Variants in ZFHX3 observed in about 807,000 individuals in gnomAD.
The protein encoded by ZFHX3 is zinc finger homeobox protein 3.
Under a neutral mutation model 279.1 loss-of-function variants are expected in ZFHX3, and 42 were observed. The ratio of observed to expected loss-of-function variants is 0.15; its 90% CI spans 0.12 to 0.19. The LOEUF is 0.19. ZFHX3 is among the 10% of genes least tolerant of loss of function. The pLI is 1.00. For synonymous variants in ZFHX3, 2,293 were observed against 1,957.8 expected (o/e 1.17, Z -4.52); for missense variants, 4,981 against 4,754.0 (o/e 1.05, Z -1.40).
At chr16:73,483,742 G>A (rs1460864226) in intron 2 of ZFHX3, among the ~76,000 whole-genome samples, 1 of 152,090 alleles carries the variant, frequency 6.6e-6, no homozygotes, top group Non-Finnish European at 1.5e-5. Flanking sequence ...TTTCGCTATT[G>A]TGGATCCGGA....
chr16:73,450,170 G>A (rs570182655), intron 3 of ZFHX3, among the ~76,000 whole-genome samples: 2 of 152,128 alleles, frequency 1.3e-5, no homozygotes, highest in South Asian at 2.1e-4. Context: ...GGGGGTGAAG[G>A]TACCTTAAAT....
At chr16:73,322,776 A>T (rs1473684482) in intron 3 of ZFHX3, among the ~76,000 whole-genome samples, 1 of 152,236 alleles carries the variant, frequency 6.6e-6, no homozygotes, top group East Asian at 1.9e-4. Context: ...AATCTCTTCA[A>T]GTGCATTTCA....
intron 1 of ZFHX3, among the ~76,000 whole-genome samples, chr16:73,010,872 A>T (rs1228727903): frequency 6.6e-6 from 1 of 152,176 alleles, no homozygotes; most frequent in Non-Finnish European, 1.5e-5. Context: ...TGGCATGGTC[A>T]TAGTTCACTG....
intron 2 of ZFHX3, among the ~76,000 whole-genome samples, chr16:73,553,088 T>C (rs985615933): frequency 6.6e-6 from 1 of 152,208 alleles, no homozygotes. Context: ...GTATGCCATT[T>C]GCTCATTGGC....
intron 2 of ZFHX3, among the ~76,000 whole-genome samples, chr16:73,619,127 AC>A (rs1393772934): frequency 1.3e-5 from 2 of 152,128 alleles, no homozygotes; most frequent in Admixed American, 6.5e-5. Context: ...CAAGACAAGG[AC>A]ACTTTCAAAA....
intron 2 of ZFHX3, among the ~76,000 whole-genome samples, chr16:73,473,821 G>A (rs2018717378): frequency 6.6e-6 from 1 of 152,112 alleles, no homozygotes; most frequent in South Asian, 2.1e-4. Flanking sequence ...TGTGGGTCAG[G>A]GAAGCATCAA....
rs183832222 is a variant in ZFHX3, at chr16:73,180,747, C to T, written c.-1103-36916G>A. Among the ~76,000 whole-genome samples, 467 of 152,228 alleles carry T rather than the reference C, an allele frequency of 3.1e-3. 1 individual carries two copies. Among genetic ancestry groups the T allele is most frequent in the Non-Finnish European group, 5.1e-3 (346 of 68,018 alleles). ...GTGCTATCTCAGCTCACTGCAACCT[C>T]CGCTTCCCGGGTTCAAGCGATTCTC... On this transcript the variant is annotated intron_variant, in intron 5 of 17. Coordinates refer to the ZFHX3 transcript ENST00000641206.
rs78968980 is a variant in ZFHX3, at chr16:73,660,365, A to C, written c.-1547+19815T>G. On this transcript the variant is annotated intron_variant, in intron 2 of 17. Transcript: ENST00000641206. ...TAAATTGATTTGTAGACACAACTGC[A>C]AAACTGGACACATTTAAATTACTGT... Among the ~76,000 whole-genome samples the C allele has an allele frequency of 5.9e-5, 9 of 152,358 alleles. No homozygotes were observed. In the East Asian group the frequency reaches 1.7e-3, roughly 29 times the overall value.
chr16:73,011,786 C>G (rs1456096877), intron 1 of ZFHX3, among the ~76,000 whole-genome samples: 1 of 151,722 alleles, frequency 6.6e-6, no homozygotes, highest in Admixed American at 6.6e-5. Context: ...CTCCCCTCCC[C>G]CCAAAATACT....
rs558748157 is a variant in ZFHX3, at chr16:73,748,402, C to T, written c.-1607-68162G>A. On this transcript the variant is annotated intron_variant, in intron 1 of 17. Transcript: ENST00000641206. ...TTTTAAAAAACCTAATGTTAGTCCA[C>T]AATATCATGTAAATAAATTTCAGAT... Among the ~76,000 whole-genome samples, 6 of 152,312 alleles carry T rather than the reference C, an allele frequency of 3.9e-5. No individual in the cohort carries two copies. The South Asian group carries it at 1.2e-3, about 32-fold the overall frequency.
chr16:73,091,448 T>TA (rs1966080760), intron 8 of ZFHX3, among the ~76,000 whole-genome samples: 1 of 152,118 alleles, frequency 6.6e-6, no homozygotes. Context: ...GCCAGGGACT[T>TA]ACCTTCCTCG....
chr16:73,773,487 A>G (rs1289329900), intron 1 of ZFHX3, among the ~76,000 whole-genome samples: 1 of 152,208 alleles, frequency 6.6e-6, no homozygotes, highest in African/African-American at 2.4e-5. Flanking sequence ...GTCTCTGGGG[A>G]TAAGCAGTGA....
intron 1 of ZFHX3, among the ~76,000 whole-genome samples, chr16:72,965,386 A>T (rs1162113075): frequency 6.6e-6 from 1 of 152,108 alleles, no homozygotes; most frequent in East Asian, 1.9e-4. Context: ...AAGCAGACTG[A>T]TTTGCTTGGA....
intron 1 of ZFHX3, among the ~76,000 whole-genome samples, chr16:73,769,577 A>G (rs944671872): frequency 6.6e-6 from 1 of 152,240 alleles, no homozygotes; most frequent in South Asian, 2.1e-4. Context: ...TTTTCTACAA[A>G]TACAGAAAAT....
At chr16:73,574,321 G>A (rs1370364491) in intron 2 of ZFHX3, among the ~76,000 whole-genome samples, 2 of 149,964 alleles carry the variant, frequency 1.3e-5, no homozygotes, top group African/African-American at 5.0e-5. Context: ...ACGGACCCGG[G>A]TGAAATTTTG....
intron 2 of ZFHX3, among the ~76,000 whole-genome samples, chr16:73,464,352 G>A (rs764429616): frequency 6.6e-6 from 1 of 152,126 alleles, no homozygotes; most frequent in Non-Finnish European, 1.5e-5. Context: ...CTTCTGGAGG[G>A]AAGATGGGGG....
chr16:73,779,770 G>T (rs1597111813), intron 1 of ZFHX3, among the ~76,000 whole-genome samples: 1 of 152,002 alleles, frequency 6.6e-6, no homozygotes. Context: ...CAGGTTGGAG[G>T]GCAATAGCGC....
At chr16:73,402,652 A>G (rs2017280138) in intron 3 of ZFHX3, among the ~76,000 whole-genome samples, 1 of 152,206 alleles carries the variant, frequency 6.6e-6, no homozygotes, top group South Asian at 2.1e-4. Context: ...TTTTCCAGCT[A>G]TGAAACTGCT....
At chr16:73,093,773 A>T (rs1966121835) in intron 7 of ZFHX3, 1 of 279,450 alleles carries the variant, frequency 3.6e-6, no homozygotes. Context: ...ACGCAACCTA[A>T]ATTCCATTCC....
Sources: gnomAD v4.1 joint callset for allele counts (sites outside exome capture counted in the v4.1 genomes callset) on GRCh38, gnomAD v4.1.1 for gene constraint, MANE v1.5 for transcripts, NCBI Gene and HGNC (gene_info 2026-07-23, HGNC 2026-07-21) for gene names.